PTGER3: variants seen among roughly 807,000 people sequenced by gnomAD.
PTGER3 encodes the protein prostaglandin E receptor 3.
Under a neutral mutation model 34.7 loss-of-function variants are expected in PTGER3, and 22 were observed. The observed-to-expected ratio is 0.63, with a 90% confidence interval of 0.45 to 0.91. PTGER3 has a LOEUF of 0.91. PTGER3 is among the 40% of genes least tolerant of loss of function. The pLI, the probability that PTGER3 is intolerant of heterozygous loss-of-function variation, is 0.00. For missense variants in PTGER3, 468 were observed against 519.4 expected (o/e 0.90, Z 0.96); for synonymous variants, 241 against 230.1 (o/e 1.05, Z -0.43).
chr1:71,033,978 G>T (rs1259013497), intron 1 of PTGER3, among the ~76,000 whole-genome samples: 2 of 151,856 alleles, frequency 1.3e-5, no homozygotes, highest in Non-Finnish European at 2.9e-5. Flanking sequence ...TATTGGTATA[G>T]TATTTTTATC....
rs577409628 is a variant in PTGER3, at chr1:71,029,423, C to G, written c.898-16939G>C. On this transcript the variant is annotated intron_variant, in intron 1 of 3. Transcript: ENST00000306666. Reference sequence around the variant, plus strand: ...TACTTTACATCTCAAAACCAGTTTCCTCTTCTGAAAACGAAGATGACAGTA... The same window carrying G: ...TACTTTACATCTCAAAACCAGTTTCGTCTTCTGAAAACGAAGATGACAGTA... Among the ~76,000 whole-genome samples, 9 of 152,296 alleles carry G rather than the reference C, an allele frequency of 5.9e-5. No individual in the cohort carries two copies. The East Asian group carries it at 1.7e-3, about 29-fold the overall frequency.
At chr1:70,869,343 C>T in intron 4 of PTGER3, 1 of 465,008 alleles carries the variant, frequency 2.2e-6, no homozygotes, top group Non-Finnish European at 4.4e-6. Flanking sequence ...TACAATTCAA[C>T]ATGAGATTTG....
chr1:70,931,453 C>T (rs565457511), intron 4 of PTGER3, among the ~76,000 whole-genome samples: 18 of 152,374 alleles, frequency 1.2e-4, no homozygotes, highest in African/African-American at 4.1e-4. Flanking sequence ...CCACATTTCA[C>T]TTCTGCACTG....
chr1:71,046,353 G>A (rs942050595), intron 1 of PTGER3, among the ~76,000 whole-genome samples: 4 of 149,920 alleles, frequency 2.7e-5, no homozygotes, highest in Admixed American at 2.7e-4. Flanking sequence ...TGCTTTTAAT[G>A]CACTCAGGAC....
At chr1:71,036,061 C>A (rs1247625498) in intron 1 of PTGER3, among the ~76,000 whole-genome samples, 1 of 152,164 alleles carries the variant, frequency 6.6e-6, no homozygotes, top group Non-Finnish European at 1.5e-5. Context: ...GTCAAGTGGG[C>A]AGAACAAATT....
intron 2 of PTGER3, among the ~76,000 whole-genome samples, chr1:70,981,774 C>G (rs567078405): frequency 6.6e-6 from 1 of 151,936 alleles, no homozygotes; most frequent in East Asian, 1.9e-4. Flanking sequence ...TGATCTATTT[C>G]CTATGGTCCA....
intron 4 of PTGER3, among the ~76,000 whole-genome samples, chr1:70,923,034 A>G (rs1459926113): frequency 6.6e-6 from 1 of 152,184 alleles, no homozygotes; most frequent in East Asian, 1.9e-4. Context: ...AAGGTTTATT[A>G]AAATCTTACC....
At chr1:71,036,581 C>T (rs1464820178) in intron 1 of PTGER3, among the ~76,000 whole-genome samples, 1 of 151,954 alleles carries the variant, frequency 6.6e-6, no homozygotes, top group Non-Finnish European at 1.5e-5. Flanking sequence ...TGGCTCACAC[C>T]TGTAATCCCA....
chr1:70,857,789 C>T (rs1185100941), intron 4 of PTGER3, among the ~76,000 whole-genome samples: 1 of 152,148 alleles, frequency 6.6e-6, no homozygotes, highest in African/African-American at 2.4e-5. Context: ...CCACCTCAGC[C>T]TCCCAGAGGA....
intron 4 of PTGER3, among the ~76,000 whole-genome samples, chr1:70,861,406 TA>T (rs1308192694): frequency 6.6e-6 from 1 of 152,190 alleles, no homozygotes; most frequent in African/African-American, 2.4e-5. Flanking sequence ...GCACAACCTG[TA>T]AATGTTGACC....
chr1:70,940,060 T>C (rs1649614478), intron 4 of PTGER3, among the ~76,000 whole-genome samples: 1 of 152,202 alleles, frequency 6.6e-6, no homozygotes, highest in African/African-American at 2.4e-5. Flanking sequence ...CCAAGTCACC[T>C]CTTGAATGCT....
At chr1:70,933,956 T>C (rs1259119351) in intron 4 of PTGER3, among the ~76,000 whole-genome samples, 1 of 152,176 alleles carries the variant, frequency 6.6e-6, no homozygotes, top group African/African-American at 2.4e-5. Context: ...AGTTGAAGTA[T>C]GCTCTAAGTG....
intron 2 of PTGER3, among the ~76,000 whole-genome samples, chr1:70,996,554 G>A (rs1409658620): frequency 2.0e-5 from 3 of 150,316 alleles, no homozygotes; most frequent in South Asian, 2.1e-4. Flanking sequence ...TCCGCCTCGT[G>A]GGTTCATGCC....
chr1:70,881,175 G>A lies in PTGER3; in HGVS notation c.*24-28316C>T, dbSNP rs139832092. Among the ~76,000 whole-genome samples, 678 of 152,240 alleles carry A rather than the reference G, an allele frequency of 4.5e-3. 4 individuals are homozygous for A. Among genetic ancestry groups the A allele is most frequent in the African/African-American group, 0.016 (654 of 41,536 alleles). On this transcript the variant is annotated intron_variant, in intron 4 of 4. Transcript: ENST00000370931. Reference sequence around the variant, plus strand: ...AGAGAAGCAATCTCTCAAGCTCTGAGATTCTTTCCTCAGCTTGGTTGATGG... The same window carrying A: ...AGAGAAGCAATCTCTCAAGCTCTGAAATTCTTTCCTCAGCTTGGTTGATGG...
intron 3 of PTGER3, 74 bp downstream of exon 3, chr1:70,974,223 T>C: frequency 6.4e-7 from 1 of 1,569,900 alleles, no homozygotes; most frequent in Admixed American, 1.9e-5. Context: ...TCTGCCTTTG[T>C]AGCATCAACT....
chr1:71,020,697 AGTGTGTGTGTGTGT>A lies in PTGER3; in HGVS notation c.898-8227_898-8214del, dbSNP rs112981971. On this transcript the variant is annotated intron_variant, in intron 1 of 3. Coordinates refer to ENST00000306666, the MANE Select transcript of PTGER3 (RefSeq NM_198719.2). The stretch of plus-strand genomic sequence containing the variant: ...ATGAAGCTTTGGTGTATGTTAGCAG[AGTGTGTGTGTGTGT>A]GTGTGTGTGTGTGTGTGTGTGTAGT... Among the ~76,000 whole-genome samples the A allele has an allele frequency of 3.5e-5, 5 of 144,884 alleles. No individual in the cohort carries two copies. In the East Asian group the frequency reaches 8.2e-4, roughly 24 times the overall value.
intron 1 of PTGER3, among the ~76,000 whole-genome samples, 177 bp from the exon 2 acceptor site, chr1:71,012,661 G>T (rs902398721): frequency 6.6e-5 from 10 of 152,128 alleles, no homozygotes; most frequent in Non-Finnish European, 1.0e-4. Flanking sequence ...ACATTCCTAG[G>T]TATTTTCCCA....
intron 1 of PTGER3, among the ~76,000 whole-genome samples, chr1:71,019,076 T>C (rs1265883663): frequency 6.6e-6 from 1 of 152,228 alleles, no homozygotes; most frequent in Non-Finnish European, 1.5e-5. Flanking sequence ...ATCTGTTGAG[T>C]CTTTATATTT....
At chr1:70,869,417 C>G in intron 4 of PTGER3, 2 of 374,296 alleles carry the variant, frequency 5.3e-6, no homozygotes, top group Non-Finnish European at 5.3e-6. Flanking sequence ...ATCTCACATC[C>G]TTCTCATGCT....
Sources: gnomAD v4.1 joint callset for allele counts (sites outside exome capture counted in the v4.1 genomes callset) on GRCh38, gnomAD v4.1.1 for gene constraint, MANE v1.5 for transcripts, NCBI Gene and HGNC (gene_info 2026-07-23, HGNC 2026-07-21) for gene names.